The following ZFAT variants were observed in gnomAD, a reference collection of about 807,000 sequenced individuals.
ZFAT encodes the protein zinc finger protein ZFAT.
Under a neutral mutation model 117.7 loss-of-function variants are expected in ZFAT, and 64 were observed. The ratio of observed to expected loss-of-function variants is 0.54; its 90% CI spans 0.44 to 0.67. The LOEUF (loss-of-function observed/expected upper bound fraction) is 0.67, where lower values mean the gene tolerates loss of function less well. Ranked by LOEUF, ZFAT falls within the 30% of genes least tolerant of loss-of-function variation. The probability of loss-of-function intolerance (pLI) is 0.00; values close to 1 mark genes in which losing one functional copy is unlikely to be tolerated. For missense variants in ZFAT, 1,433 were observed against 1,584.5 expected, an observed-to-expected ratio of 0.90 and a Z score of 1.62; for synonymous variants, 679 against 615.0, an observed-to-expected ratio of 1.10 and a Z score of -1.54.
the ZFAT span, among the ~76,000 whole-genome samples, chr8:134,774,973 C>A: frequency 1.3e-5 from 2 of 152,266 alleles, no homozygotes. Flanking sequence ...CAATAATTAG[C>A]CAGCCGTGGT....
chr8:134,614,254 C>T (rs771080953), intron 3 of ZFAT, among the ~76,000 whole-genome samples: 13 of 152,150 alleles, frequency 8.5e-5, no homozygotes, highest in Admixed American at 7.9e-4. Context: ...AAGCACACAC[C>T]CTCATGTACT....
intron 10 of ZFAT, among the ~76,000 whole-genome samples, chr8:134,567,586 C>A (rs775116384): frequency 6.6e-6 from 1 of 152,168 alleles, no homozygotes; most frequent in Non-Finnish European, 1.5e-5. Flanking sequence ...ATCCCACAGT[C>A]TAGCCATCAG....
chr8:134,695,826 T>C (rs377035013), intron 1 of ZFAT, among the ~76,000 whole-genome samples: 3 of 140,624 alleles, frequency 2.1e-5, no homozygotes, highest in African/African-American at 8.1e-5. Flanking sequence ...ACTGCGTCTC[T>C]AATCAAGGAG....
At chr8:134,611,778 G>T (rs1306800698) in intron 3 of ZFAT, among the ~76,000 whole-genome samples, 1 of 152,234 alleles carries the variant, frequency 6.6e-6, no homozygotes, top group Non-Finnish European at 1.5e-5. Flanking sequence ...GCTGCCTCTG[G>T]AAGGCCATGG....
At chr8:134,785,603 G>T in the ZFAT span, 1 of 151,166 alleles carries the variant, frequency 6.6e-6, no homozygotes, top group Non-Finnish European at 1.5e-5. Context: ...TTGTCCTAGT[G>T]CCATTTATTG....
intron 1 of ZFAT, among the ~76,000 whole-genome samples, chr8:134,711,210 C>T (rs1211265805): frequency 6.6e-6 from 1 of 152,178 alleles, no homozygotes; most frequent in Admixed American, 6.5e-5. Context: ...CTCAAGGGAC[C>T]CTCCCGCCTC....
chr8:134,528,556 C>T (rs2130531642), intron 12 of ZFAT, among the ~76,000 whole-genome samples: 1 of 152,332 alleles, frequency 6.6e-6, no homozygotes, highest in Non-Finnish European at 1.5e-5. Context: ...TACATATTTA[C>T]ATTTTTCTAA....
At chr8:134,579,287 T>G (rs1339020735) in intron 10 of ZFAT, among the ~76,000 whole-genome samples, 1 of 152,174 alleles carries the variant, frequency 6.6e-6, no homozygotes, top group Non-Finnish European at 1.5e-5. Flanking sequence ...GATAAAGACA[T>G]ACCTGAGTCT....
intron 3 of ZFAT, among the ~76,000 whole-genome samples, chr8:134,611,043 T>C (rs1378462545): frequency 2.6e-5 from 4 of 152,246 alleles, no homozygotes; most frequent in Non-Finnish European, 5.9e-5. Flanking sequence ...CTTACACTTA[T>C]CAGCTACTGT....
At chr8:134,571,526 G>T (rs1321781094) in intron 10 of ZFAT, among the ~76,000 whole-genome samples, 1 of 136,408 alleles carries the variant, frequency 7.3e-6, no homozygotes, top group African/African-American at 2.5e-5. Flanking sequence ...AAGAAGTATA[G>T]CTGTTGAATG....
At chr8:134,645,104 T>C (rs2131145872) in intron 2 of ZFAT, among the ~76,000 whole-genome samples, 1 of 152,270 alleles carries the variant, frequency 6.6e-6, no homozygotes, top group Admixed American at 6.5e-5. Flanking sequence ...AAATGAAAGG[T>C]CTTTCTGCAG....
chr8:134,504,868 G>A (rs111967496), intron 15 of ZFAT, among the ~76,000 whole-genome samples: 1,972 of 152,030 alleles, frequency 0.013, 44 homozygotes, highest in African/African-American at 0.044. Flanking sequence ...CCCAGCTGGC[G>A]CCAGCCACCA....
At chr8:134,686,644 G>A (rs58430418) in intron 1 of ZFAT, among the ~76,000 whole-genome samples, 4,516 of 152,190 alleles carry the variant, frequency 0.03, 225 homozygotes, top group African/African-American at 0.1. Flanking sequence ...GTGACCCTGC[G>A]CACACACACT....
chr8:134,694,554 A>G (rs939686715), intron 1 of ZFAT, among the ~76,000 whole-genome samples: 6 of 152,198 alleles, frequency 3.9e-5, no homozygotes, highest in African/African-American at 1.4e-4. Context: ...CCTACATCCA[A>G]CATGCCTTCG....
At chr8:134,598,403 A>G (rs1347208261) in intron 7 of ZFAT, 3 of 152,242 alleles carry the variant, frequency 2.0e-5, no homozygotes, top group African/African-American at 7.2e-5. Context: ...AGCCTCTCAG[A>G]AGGAAGATAA....
intron 10 of ZFAT, among the ~76,000 whole-genome samples, chr8:134,572,566 C>G (rs1236492145): frequency 6.6e-6 from 1 of 152,212 alleles, no homozygotes; most frequent in Non-Finnish European, 1.5e-5. Flanking sequence ...TCTGACCAAG[C>G]ATCTTTCTCC....
chr8:134,542,651 C>A (rs1434821249), intron 11 of ZFAT, among the ~76,000 whole-genome samples: 7 of 152,172 alleles, frequency 4.6e-5, no homozygotes, highest in African/African-American at 7.2e-5. Context: ...CTTTATCAGC[C>A]CCCTGCTCAG....
chr8:134,777,554 C>T, the ZFAT span, among the ~76,000 whole-genome samples: 3 of 152,112 alleles, frequency 2.0e-5, no homozygotes, highest in African/African-American at 7.2e-5. Context: ...GTGAAGGTTT[C>T]CTGAGATACC....
At chr8:134,668,128 G>A (rs1396632593) in intron 1 of ZFAT, among the ~76,000 whole-genome samples, 2 of 152,196 alleles carry the variant, frequency 1.3e-5, no homozygotes, top group Non-Finnish European at 2.9e-5. Flanking sequence ...ACTGGGTGGA[G>A]CCCACCACAG....
Sources: gnomAD v4.1 joint callset for allele counts (sites outside exome capture counted in the v4.1 genomes callset) on GRCh38, gnomAD v4.1.1 for gene constraint, MANE v1.5 for transcripts, NCBI Gene and HGNC (gene_info 2026-07-23, HGNC 2026-07-21) for gene names.